The following KLF8 variants were observed in gnomAD, a reference collection of about 807,000 sequenced individuals.
KLF8 encodes the protein KLF transcription factor 8.
Under a neutral mutation model 18.2 loss-of-function variants are expected in KLF8, and 10 were observed. The observed-to-expected ratio is 0.55, with a 90% confidence interval of 0.34 to 0.93. KLF8 has a LOEUF of 0.93. KLF8 is among the 40% of genes least tolerant of loss of function. The pLI, the probability that KLF8 is intolerant of heterozygous loss-of-function variation, is 0.02. For missense variants in KLF8, 264 were observed against 277.9 expected (o/e 0.95, Z 0.36); for synonymous variants, 109 against 97.3 (o/e 1.12, Z -0.71).
chrX:55,989,044 A>G, the KLF8 span, among the ~76,000 whole-genome samples: 7 of 111,961 alleles, frequency 6.3e-5, no homozygotes, highest in South Asian at 1.9e-3. Context: ...ATTTTTGCAC[A>G]TTGATTTTGT....
At chrX:56,029,042 C>T in the KLF8 span, among the ~76,000 whole-genome samples, 2 of 111,013 alleles carry the variant, frequency 1.8e-5, no homozygotes, top group African/African-American at 6.6e-5. Flanking sequence ...TGTATTCCTT[C>T]AAGAGCTTCC....
At chrX:55,927,760 T>C in the KLF8 span, among the ~76,000 whole-genome samples, 2 of 112,310 alleles carry the variant, frequency 1.8e-5, no homozygotes, top group Admixed American at 1.9e-4. Context: ...TTTTGTTTTT[T>C]ATCTTATTGA....
At chrX:56,160,030 C>G in the KLF8 span, among the ~76,000 whole-genome samples, 1 of 111,825 alleles carries the variant, frequency 8.9e-6, no homozygotes, top group Non-Finnish European at 1.9e-5. Context: ...GCATTTAGTG[C>G]TATAAATTTC....
chrX:56,222,555 G>A, the KLF8 span, among the ~76,000 whole-genome samples: 5 of 112,946 alleles, frequency 4.4e-5, no homozygotes, highest in African/African-American at 1.6e-4. Flanking sequence ...AGTGGATCTA[G>A]CAGCAGGGTG....
chrX:56,244,975 G>A (rs2066604379), intron 1 of KLF8, among the ~76,000 whole-genome samples: 1 of 112,007 alleles, frequency 8.9e-6, no homozygotes, highest in Admixed American at 9.5e-5. Context: ...TTAGAAAATG[G>A]TTGGGGAGCA....
chrX:56,028,259 T>A, the KLF8 span, among the ~76,000 whole-genome samples: 1 of 110,400 alleles, frequency 9.1e-6, no homozygotes, highest in Non-Finnish European at 1.9e-5. Flanking sequence ...CAAAGGGCTC[T>A]CAGTCGCCCC....
rs1020781259 is a variant in KLF8 at position 56,284,544 on chromosome X, G to C, written c.*50G>C. 1 of 1,030,369 alleles carries C rather than the reference G, an allele frequency of 9.7e-7. No homozygotes were observed. The highest frequency in any genetic ancestry group is 1.3e-6 in the Non-Finnish European group (1 of 784,147). 84.9% of individuals were successfully genotyped at this position (1,030,369 alleles called of 1,213,427 possible). On this transcript the variant is annotated 3_prime_UTR_variant, in exon 6 of 6. Coordinates refer to ENST00000468660, the MANE Select transcript of KLF8 (RefSeq NM_007250.5). ...CTGCGCTGGTATCTTTCCTGGTCGT[G>C]TGCTGAGGTTGGGACAATTTTTTCC...
chrX:56,181,124 T>A, the KLF8 span, among the ~76,000 whole-genome samples: 4 of 111,675 alleles, frequency 3.6e-5, no homozygotes, highest in Non-Finnish European at 7.5e-5. Flanking sequence ...TCTAAGGACT[T>A]TCTTCATGAA....
the KLF8 span, among the ~76,000 whole-genome samples, chrX:55,942,673 T>C: frequency 9.0e-6 from 1 of 111,286 alleles, no homozygotes; most frequent in Non-Finnish European, 1.9e-5. Context: ...TTGGGTTGCA[T>C]AGGGAAGTTT....
chrX:55,989,011 A>T, the KLF8 span, among the ~76,000 whole-genome samples: 1 of 111,336 alleles, frequency 9.0e-6, no homozygotes, highest in Non-Finnish European at 1.9e-5. Context: ...TTTGTCTGTT[A>T]TTGGTGTATA....
chrX:56,018,773 G>A, the KLF8 span, among the ~76,000 whole-genome samples: 1 of 110,916 alleles, frequency 9.0e-6, no homozygotes. Context: ...TGGTTACACT[G>A]GGCATTTGTT....
the KLF8 span, among the ~76,000 whole-genome samples, chrX:55,955,348 G>T: frequency 1.1e-4 from 12 of 111,361 alleles, no homozygotes; most frequent in Non-Finnish European, 2.3e-4. Flanking sequence ...AGTAGGAGAT[G>T]AGGTCAGAGA....
chrX:56,105,347 C>G, the KLF8 span, among the ~76,000 whole-genome samples: 1 of 111,324 alleles, frequency 9.0e-6, no homozygotes, highest in Admixed American at 9.6e-5. Context: ...GTGTGGAAGT[C>G]TAAGTCTCTT....
chrX:55,978,077 A>G, the KLF8 span, among the ~76,000 whole-genome samples: 37 of 110,678 alleles, frequency 3.3e-4, no homozygotes, highest in African/African-American at 1.1e-3. Context: ...ATATATATAT[A>G]GATATACATG....
At chrX:56,159,995 A>G in the KLF8 span, among the ~76,000 whole-genome samples, 104 of 111,817 alleles carry the variant, frequency 9.3e-4, no homozygotes, top group East Asian at 8.4e-3. Context: ...TGTCAGTTTC[A>G]GATCTTTCCT....
chrX:56,271,644 C>T (rs1331934529), intron 5 of KLF8, among the ~76,000 whole-genome samples: 1 of 112,020 alleles, frequency 8.9e-6, no homozygotes, highest in African/African-American at 3.2e-5. Context: ...ATTATTCAAA[C>T]ATTCCCATGA....
intron 3 of KLF8, 181 bp from the exon 4 acceptor site, chrX:56,269,197 A>C (rs939533751): frequency 7.5e-5 from 77 of 1,033,254 alleles, no homozygotes; most frequent in Non-Finnish European, 9.1e-5. Context: ...CTATGCAAAA[A>C]AAAAAAATAA....
At chrX:56,053,639 G>A in the KLF8 span, among the ~76,000 whole-genome samples, 1,592 of 107,077 alleles carry the variant, frequency 0.015, 36 homozygotes, top group African/African-American at 0.051. Context: ...CTGGTCTTGG[G>A]CCTTTTTTAA....
chrX:55,955,525 A>G, the KLF8 span, among the ~76,000 whole-genome samples: 1 of 111,798 alleles, frequency 8.9e-6, no homozygotes, highest in South Asian at 3.7e-4. Flanking sequence ...AAAAAGCTAT[A>G]GTGGAAGCAC....
Sources: allele counts gnomAD v4.1 joint callset (sites outside exome capture counted in the v4.1 genomes callset), GRCh38; gene constraint gnomAD v4.1.1; transcripts MANE v1.5; gene names NCBI Gene and HGNC (gene_info 2026-07-23, HGNC 2026-07-21).